Variants in CTNNA3 observed in about 807,000 individuals in gnomAD.
CTNNA3 encodes catenin alpha-3.
A neutral mutation model predicts 95.7 loss-of-function variants in CTNNA3; 76 were observed. That is an observed-to-expected ratio of 0.79 (90% CI 0.66 to 0.96). CTNNA3 has a LOEUF of 0.96. CTNNA3 is among the 40% of genes least tolerant of loss of function. The pLI, the probability that CTNNA3 is intolerant of heterozygous loss-of-function variation, is 0.00. For synonymous variants in CTNNA3, 431 were observed against 374.4 expected (o/e 1.15, Z -1.74); for missense variants, 1,191 against 1,089.8 (o/e 1.09, Z -1.31).
chr10:66,457,909 G>T (rs1420386939), intron 11 of CTNNA3, among the ~76,000 whole-genome samples: 1 of 152,120 alleles, frequency 6.6e-6, no homozygotes, highest in South Asian at 2.1e-4. Context: ...ATGAAGTGAT[G>T]AGTAACTGTC....
At chr10:66,069,744 T>C (rs528364489) in intron 14 of CTNNA3, among the ~76,000 whole-genome samples, 73 of 152,272 alleles carry the variant, frequency 4.8e-4, no homozygotes, top group African/African-American at 1.6e-3. Flanking sequence ...CATACTTAAA[T>C]CCATTTTATA....
intron 7 of CTNNA3, among the ~76,000 whole-genome samples, chr10:66,889,947 C>T (rs971929720): frequency 5.9e-5 from 9 of 152,148 alleles, no homozygotes; most frequent in Admixed American, 2.0e-4. Flanking sequence ...CACGCCACCA[C>T]GCCCAGCTAA....
intron 5 of CTNNA3, among the ~76,000 whole-genome samples, chr10:67,429,909 G>GA (rs1338485659): frequency 2.0e-5 from 3 of 151,662 alleles, no homozygotes; most frequent in African/African-American, 7.3e-5. Context: ...AGTGTGCTGA[G>GA]AAAAAAAGAT....
chr10:67,026,028 T>C (rs1416970219), intron 7 of CTNNA3, among the ~76,000 whole-genome samples: 1 of 149,990 alleles, frequency 6.7e-6, no homozygotes, highest in Admixed American at 6.7e-5. Context: ...AAACACCGCA[T>C]GTTCTCATTC....
intron 5 of CTNNA3, among the ~76,000 whole-genome samples, chr10:67,293,787 A>G (rs1222841130): frequency 6.6e-6 from 1 of 150,874 alleles, no homozygotes; most frequent in African/African-American, 2.4e-5. Context: ...TGTCCTTGCG[A>G]TAGTTTGCTG....
At chr10:67,675,611 C>T (rs1840520956) in intron 1 of CTNNA3, among the ~76,000 whole-genome samples, 1 of 152,144 alleles carries the variant, frequency 6.6e-6, no homozygotes, top group African/African-American at 2.4e-5. Context: ...CCAAGTCTAA[C>T]TTTTCTGCCC....
At chr10:65,980,586 A>C (rs1471659785) in intron 16 of CTNNA3, among the ~76,000 whole-genome samples, 2 of 151,916 alleles carry the variant, frequency 1.3e-5, no homozygotes, top group Non-Finnish European at 2.9e-5. Flanking sequence ...AGATGCAAAA[A>C]TCCCCAACAA....
At chr10:66,461,381 C>T (rs988504631) in intron 11 of CTNNA3, among the ~76,000 whole-genome samples, 4 of 152,026 alleles carry the variant, frequency 2.6e-5, no homozygotes, top group African/African-American at 4.8e-5. Flanking sequence ...TATTTTAAAA[C>T]AGTTCATTTA....
intron 7 of CTNNA3, among the ~76,000 whole-genome samples, chr10:66,862,677 T>A (rs1034998057): frequency 6.6e-6 from 1 of 152,164 alleles, no homozygotes; most frequent in Non-Finnish European, 1.5e-5. Flanking sequence ...AGGACAGTAG[T>A]AAAAGATGAA....
intron 12 of CTNNA3, among the ~76,000 whole-genome samples, chr10:66,346,744 A>G (rs1448111713): frequency 6.6e-6 from 1 of 152,104 alleles, no homozygotes; most frequent in Non-Finnish European, 1.5e-5. Context: ...TAATTACCTA[A>G]TAACTTACAT....
At chr10:66,057,175 A>G (rs1247630391) in intron 15 of CTNNA3, among the ~76,000 whole-genome samples, 2 of 152,156 alleles carry the variant, frequency 1.3e-5, no homozygotes, top group Non-Finnish European at 2.9e-5. Flanking sequence ...AAGTGATGGT[A>G]GCTGATTCCT....
chr10:67,741,358 A>T (rs1416226447), intron 1 of CTNNA3, among the ~76,000 whole-genome samples: 1 of 148,504 alleles, frequency 6.7e-6, no homozygotes, highest in Non-Finnish European at 1.5e-5. Context: ...AAAAAAAAAA[A>T]AGAAAAGAAA....
rs552734163 is a variant in CTNNA3, at chr10:66,944,258, A to T, written c.1048-168734T>A. The stretch of plus-strand genomic sequence containing the variant: ...TTATTATTTCAACAATATTCACAAC[A>T]TCTTCACCAGGAGAAGATTTTATCT... On this transcript the variant is annotated intron_variant, in intron 7 of 17. Coordinates refer to ENST00000433211, the MANE Select transcript of CTNNA3 (RefSeq NM_013266.4). Among the ~76,000 whole-genome samples the T allele has an allele frequency of 6.6e-4, 101 of 152,346 alleles. 1 individual carries two copies. Among genetic ancestry groups the T allele is most frequent in the Non-Finnish European group, 1.2e-3 (83 of 68,026 alleles).
intron 7 of CTNNA3, among the ~76,000 whole-genome samples, chr10:66,951,147 T>C (rs7070898): frequency 4.5e-4 from 68 of 151,884 alleles, no homozygotes; most frequent in African/African-American, 1.6e-3. Context: ...AGACAGAGTC[T>C]TGCTCTGTCA....
At position 66,757,269 on chromosome 10, in the gene CTNNA3, G is replaced by A. The variant is rs562379329; in HGVS notation, c.1281+8995C>T. ...AGGGCTGAGAGGGGGCTGAGTGATA[G>A]GGAGTGGCAACTCTAAATGCATTTT... is the stretch of plus-strand genomic sequence containing the variant. On this transcript the variant is annotated intron_variant, in intron 9 of 17. Transcript: ENST00000433211. 2.8e-4 allele frequency among the ~76,000 whole-genome samples: 43 copies of A among 152,234 alleles called. 1 individual carries two copies. The highest frequency in any genetic ancestry group is 1.0e-3 in the African/African-American group (43 of 41,562).
intron 12 of CTNNA3, among the ~76,000 whole-genome samples, chr10:66,350,098 A>G (rs1233732686): frequency 6.6e-6 from 1 of 152,120 alleles, no homozygotes; most frequent in South Asian, 2.1e-4. Context: ...TTTAGTATAT[A>G]TTGTTCTAGA....
At chr10:66,266,068 GA>G (rs1188483451) in intron 13 of CTNNA3, among the ~76,000 whole-genome samples, 1 of 148,230 alleles carries the variant, frequency 6.7e-6, no homozygotes, top group Non-Finnish European at 1.5e-5. Flanking sequence ...GAAAAGAAGG[GA>G]AAAGAGAGAG....
intron 17 of CTNNA3, among the ~76,000 whole-genome samples, chr10:65,941,206 T>C (rs2133177024): frequency 6.6e-6 from 1 of 152,302 alleles, no homozygotes; most frequent in South Asian, 2.1e-4. Flanking sequence ...ATTATCCTCA[T>C]TTTACAGATG....
At chr10:67,757,566 G>A (rs866517392) in intron 1 of CTNNA3, among the ~76,000 whole-genome samples, 2 of 152,302 alleles carry the variant, frequency 1.3e-5, no homozygotes, top group South Asian at 2.1e-4. Flanking sequence ...TGAGTGTTCC[G>A]ACTTTCATCT....
Sources: allele counts gnomAD v4.1 joint callset (sites outside exome capture counted in the v4.1 genomes callset), GRCh38; gene constraint gnomAD v4.1.1; transcripts MANE v1.5; gene names NCBI Gene and HGNC (gene_info 2026-07-23, HGNC 2026-07-21).